SGPL1: variants seen among roughly 807,000 people sequenced by gnomAD.
SGPL1 encodes the protein SP-lyase 1.
SGPL1 carries 37 observed loss-of-function variants against 68.9 expected under a neutral mutation model. The ratio of observed to expected loss-of-function variants is 0.54; its 90% CI spans 0.41 to 0.71. SGPL1 has a LOEUF of 0.71. Among genes scored for constraint, SGPL1 ranks in the 30% least tolerant of loss-of-function variants. SGPL1 has a pLI of 0.00. For synonymous variants in SGPL1, 236 were observed against 248.5 expected, an observed-to-expected ratio of 0.95 and a Z score of 0.47; for missense variants, 551 against 704.6, an observed-to-expected ratio of 0.78 and a Z score of 2.47.
intron 2 of SGPL1, among the ~76,000 whole-genome samples, chr10:70,826,783 C>CAT (rs1845445512): frequency 6.6e-6 from 1 of 151,834 alleles, no homozygotes; most frequent in African/African-American, 2.4e-5. Context: ...TAAATGGATG[C>CAT]ATATGTATTT....
intron 12 of SGPL1, among the ~76,000 whole-genome samples, chr10:70,875,149 T>C (rs922855941): frequency 6.6e-6 from 1 of 152,212 alleles, no homozygotes; most frequent in African/African-American, 2.4e-5. Flanking sequence ...AAGTCAGTGA[T>C]TGAGTCATTA....
Position 70,852,735 on chromosome 10 carries a change from C to T in SGPL1, c.261+1525C>T, listed in dbSNP as rs530343579. ...GTGTGTGTGTGTGTGTGTGCGCGCG[C>T]ACGCGTGTGTGTATACCTCTGTCAT... On this transcript the variant is annotated intron_variant, in intron 4 of 14. Transcript: ENST00000373202. Among the ~76,000 whole-genome samples, 152 of 137,716 alleles carry T rather than the reference C, an allele frequency of 1.1e-3. 2 individuals carry two copies. The Middle Eastern group carries it at 0.012, about 11-fold the overall frequency. 90.3% of individuals were successfully genotyped at this position (137,716 alleles called of 152,430 possible).
At chr10:70,858,816 A>G (rs1426420100) in intron 6 of SGPL1, among the ~76,000 whole-genome samples, 1 of 152,092 alleles carries the variant, frequency 6.6e-6, no homozygotes. Flanking sequence ...TCTTGTTCCA[A>G]ATGATGATTC....
In SGPL1 at chr10:70,833,358, T is replaced by A. The variant is rs142451199; in HGVS notation, c.28-11115T>A. 7.1e-3 allele frequency among the ~76,000 whole-genome samples: 1,083 copies of A among 152,244 alleles called. 21 individuals are homozygous for A. The highest frequency in any genetic ancestry group is 0.025 in the African/African-American group (1,037 of 41,532). ...TCACATAGTGGAATTTTGGGGGAAG[T>A]ATGTGGTTTGCTTTTTGTCTCCTAA... is the stretch of plus-strand genomic sequence containing the variant. On this transcript the variant is annotated intron_variant, in intron 2 of 14. Transcript: ENST00000373202.
At chr10:70,843,920 G>A in intron 2 of SGPL1, among the ~76,000 whole-genome samples, 1 of 152,132 alleles carries the variant, frequency 6.6e-6, no homozygotes, top group East Asian at 1.9e-4. Flanking sequence ...ACATTGTGTT[G>A]GAACACAGCC....
At chr10:70,872,148 G>A (rs1329244051) in intron 11 of SGPL1, among the ~76,000 whole-genome samples, 162 bp downstream of exon 11, 2 of 152,218 alleles carry the variant, frequency 1.3e-5, no homozygotes, top group African/African-American at 4.8e-5. Context: ...GCTGGTTCAG[G>A]TGATGGGGTA....
chr10:70,866,954 T>C (rs1020552320), intron 7 of SGPL1, among the ~76,000 whole-genome samples: 3 of 152,240 alleles, frequency 2.0e-5, no homozygotes, highest in Non-Finnish European at 4.4e-5. Flanking sequence ...GATTCCATCT[T>C]GTATTAAGCT....
At chr10:70,855,039 A>G (rs1339244228) in intron 5 of SGPL1, among the ~76,000 whole-genome samples, 184 bp downstream of exon 5, 4 of 152,244 alleles carry the variant, frequency 2.6e-5, no homozygotes, top group Admixed American at 1.3e-4. Flanking sequence ...TCCTTCATCC[A>G]TAAAGCAAGC....
chr10:70,856,162 T>C (rs1375632246), intron 5 of SGPL1, among the ~76,000 whole-genome samples: 1 of 152,034 alleles, frequency 6.6e-6, no homozygotes, highest in Non-Finnish European at 1.5e-5. Flanking sequence ...ACCCAGCTAA[T>C]TTTTTGTGTT....
intron 3 of SGPL1, among the ~76,000 whole-genome samples, chr10:70,844,903 C>A (rs1045926870): frequency 3.6e-4 from 54 of 152,086 alleles, no homozygotes; most frequent in African/African-American, 1.2e-3. Context: ...CCACGCCCAG[C>A]TAATTTTTGT....
rs1846424511 is a variant in SGPL1 at position 70,877,836 on chromosome 10, A to ATGGAATT, written c.*503_*509dup. The ATGGAATT allele has an allele frequency of 1.7e-5, 1 of 59,254 alleles. No homozygotes were observed. The highest frequency in any genetic ancestry group is 6.3e-5 in the African/African-American group (1 of 15,934). 3.7% of individuals were successfully genotyped at this position (59,254 alleles called of 1,614,324 possible). The stretch of plus-strand genomic sequence containing the variant: ...TTTTTTTTTTTTTTTTTTTTTTGAG[A>ATGGAATT]TGGAATTTTGCTCTTTTGCCCAGTC... On this transcript the variant is annotated 3_prime_UTR_variant, in exon 15 of 15. Transcript: ENST00000373202.
At position 70,859,357 on chromosome 10, in the gene SGPL1, G is replaced by A; in HGVS notation, c.487-14G>A. ...AATAGTTTTGATTTCACATCTGCTT[G>A]CATTTTTTTGCAGGCTTATGGAGAT... On this transcript the variant is annotated splice_polypyrimidine_tract_variant and intron_variant, in intron 6 of 14. Coordinates refer to ENST00000373202, the MANE Select transcript of SGPL1 (RefSeq NM_003901.4). 2.1e-6 allele frequency: 3 copies of A among 1,425,316 alleles called. No individual in the cohort carries two copies. Among genetic ancestry groups the A allele is most frequent in the South Asian group, 3.4e-5 (2 of 59,072 alleles). 88.3% of individuals were successfully genotyped at this position (1,425,316 alleles called of 1,614,324 possible).
chr10:70,841,363 C>T (rs776795390), intron 2 of SGPL1, among the ~76,000 whole-genome samples: 3 of 152,114 alleles, frequency 2.0e-5, no homozygotes, highest in Non-Finnish European at 4.4e-5. Flanking sequence ...ATGCCATAAA[C>T]GTGGTGGCAT....
Position 70,844,715 on chromosome 10 carries a change from A to T in SGPL1, c.193+77A>T, listed in dbSNP as rs1845765520. 6 of 1,327,478 alleles carry T rather than the reference A, an allele frequency of 4.5e-6. No homozygotes were observed. In the Admixed American group the frequency reaches 1.0e-4, roughly 23 times the overall value. 82.2% of individuals were successfully genotyped at this position (1,327,478 alleles called of 1,614,324 possible). A position where few individuals can be genotyped will look rare whatever the true frequency, so the allele number is the denominator to read the frequency against. ...AACTAATTGCTGAGAGATAGGACTAATTTATTGCCTTTTGGTTGTTTTTTT... is the reference window on the plus strand; with the variant it reads ...AACTAATTGCTGAGAGATAGGACTATTTTATTGCCTTTTGGTTGTTTTTTT... On this transcript the variant is annotated intron_variant, in intron 3 of 14. Coordinates refer to ENST00000373202, the MANE Select transcript of SGPL1 (RefSeq NM_003901.4).
intron 2 of SGPL1, among the ~76,000 whole-genome samples, chr10:70,817,574 A>T (rs1845258638): frequency 6.6e-6 from 1 of 152,146 alleles, no homozygotes; most frequent in South Asian, 2.1e-4. Flanking sequence ...AGTAGCTAGG[A>T]CTAGGAGCAC....
intron 3 of SGPL1, among the ~76,000 whole-genome samples, chr10:70,848,746 A>G (rs1290525829): frequency 1.3e-5 from 2 of 152,072 alleles, no homozygotes; most frequent in East Asian, 3.9e-4. Context: ...ACAGGCGTGA[A>G]CCACCACACC....
At chr10:70,845,481 T>C (rs182631540) in intron 3 of SGPL1, among the ~76,000 whole-genome samples, 1 of 152,186 alleles carries the variant, frequency 6.6e-6, no homozygotes, top group East Asian at 1.9e-4. Flanking sequence ...TCGTATACTT[T>C]GAGCTTCCTA....
chr10:70,863,311 T>A (rs1173829232), intron 7 of SGPL1, among the ~76,000 whole-genome samples: 1 of 129,628 alleles, frequency 7.7e-6, no homozygotes, highest in East Asian at 2.3e-4. Flanking sequence ...TTTTTTTTTT[T>A]AATCTGCTTG....
chr10:70,830,143 T>A (rs1240676263), intron 2 of SGPL1, among the ~76,000 whole-genome samples: 9 of 152,168 alleles, frequency 5.9e-5, no homozygotes, highest in Non-Finnish European at 1.2e-4. Context: ...ATCCAAAGAA[T>A]CTTAGGTGGT....
Sources: gnomAD v4.1 joint callset for allele counts (sites outside exome capture counted in the v4.1 genomes callset) on GRCh38, gnomAD v4.1.1 for gene constraint, MANE v1.5 for transcripts, NCBI Gene and HGNC (gene_info 2026-07-23, HGNC 2026-07-21) for gene names.